The following GRID2 variants were observed in gnomAD, a reference collection of about 807,000 sequenced individuals.
GRID2 encodes the protein glutamate receptor ionotropic, delta-2.
GRID2 carries 33 observed loss-of-function variants against 114.8 expected under a neutral mutation model. The ratio of observed to expected loss-of-function variants is 0.29; its 90% CI spans 0.22 to 0.38. The LOEUF is 0.38. Among genes scored for constraint, GRID2 ranks in the 10% least tolerant of loss-of-function variants. The pLI is 1.00. For synonymous variants in GRID2, 505 were observed against 449.9 expected (o/e 1.12, Z -1.55); for missense variants, 1,184 against 1,257.7 (o/e 0.94, Z 0.89).
intron 2 of GRID2, among the ~76,000 whole-genome samples, chr4:92,868,079 T>A (rs1281640567): frequency 6.9e-6 from 1 of 144,614 alleles, no homozygotes; most frequent in Non-Finnish European, 1.5e-5. Flanking sequence ...TGTCTGTCTG[T>A]CTGTCTGTCT....
intron 2 of GRID2, among the ~76,000 whole-genome samples, chr4:92,899,082 T>G (rs1747377614): frequency 6.6e-6 from 1 of 152,262 alleles, no homozygotes; most frequent in Admixed American, 6.5e-5. Context: ...ATTGTTTAGA[T>G]TTATGTTTGA....
chr4:92,689,330 C>T (rs1019976116), intron 2 of GRID2, among the ~76,000 whole-genome samples: 6 of 152,142 alleles, frequency 3.9e-5, no homozygotes, highest in Admixed American at 1.3e-4. Flanking sequence ...TCCTAGATGG[C>T]GTCTTCTTCC....
At chr4:93,712,756 T>C (rs1259485258) in intron 14 of GRID2, among the ~76,000 whole-genome samples, 1 of 152,188 alleles carries the variant, frequency 6.6e-6, no homozygotes, top group African/African-American at 2.4e-5. Flanking sequence ...TGCCTTGAGT[T>C]TTTAACAAGG....
chr4:93,300,560 G>C (rs72874973), intron 8 of GRID2, among the ~76,000 whole-genome samples: 8,217 of 152,144 alleles, frequency 0.054, 748 homozygotes, highest in African/African-American at 0.19. Flanking sequence ...TATCAACATA[G>C]TGAAGGCAAA....
intron 8 of GRID2, among the ~76,000 whole-genome samples, chr4:93,322,194 C>T (rs918503829): frequency 3.9e-5 from 6 of 152,026 alleles, no homozygotes; most frequent in Admixed American, 1.3e-4. Flanking sequence ...TATCCCTCCC[C>T]GCTTCCCCCA....
chr4:93,690,868 A>G (rs999058651), intron 14 of GRID2, among the ~76,000 whole-genome samples: 1 of 149,186 alleles, frequency 6.7e-6, no homozygotes, highest in Admixed American at 6.7e-5. Flanking sequence ...ATAATATGTT[A>G]TAACATTTTT....
chr4:93,756,452 A>G (rs1301595134), intron 14 of GRID2, among the ~76,000 whole-genome samples: 2 of 152,206 alleles, frequency 1.3e-5, no homozygotes, highest in Admixed American at 1.3e-4. Flanking sequence ...TAGAGGACCA[A>G]GATCAAGCAA....
intron 14 of GRID2, among the ~76,000 whole-genome samples, chr4:93,741,174 CATATATATATATATATATATATATATGT>C (rs869177740): frequency 2.4e-5 from 1 of 41,240 alleles, no homozygotes. Flanking sequence ...TATATATATA[CATATATATATATATATATATATATATGT>C]ATATATATAT....
intron 1 of GRID2, among the ~76,000 whole-genome samples, chr4:92,532,583 G>C (rs1725406651): frequency 6.6e-6 from 1 of 152,042 alleles, no homozygotes; most frequent in South Asian, 2.1e-4. Flanking sequence ...CCCGTGTGTA[G>C]AATAATTTTA....
At chr4:93,549,268 A>T (rs1424078055) in intron 13 of GRID2, among the ~76,000 whole-genome samples, 1 of 152,216 alleles carries the variant, frequency 6.6e-6, no homozygotes, top group Non-Finnish European at 1.5e-5. Flanking sequence ...TTGTGCTTGC[A>T]TTTACTTATA....
At chr4:92,683,861 A>G (rs1330478495) in intron 2 of GRID2, among the ~76,000 whole-genome samples, 3 of 151,848 alleles carry the variant, frequency 2.0e-5, no homozygotes, top group Non-Finnish European at 4.4e-5. Flanking sequence ...GCAATAGTTA[A>G]AACATATAGA....
intron 2 of GRID2, among the ~76,000 whole-genome samples, chr4:92,844,678 C>T (rs186539865): frequency 1.3e-5 from 2 of 149,702 alleles, no homozygotes; most frequent in Admixed American, 1.3e-4. Context: ...TGCACTCCAG[C>T]CTGTGCAACA....
intron 14 of GRID2, among the ~76,000 whole-genome samples, chr4:93,760,538 A>G (rs1042789673): frequency 2.0e-5 from 3 of 152,224 alleles, no homozygotes; most frequent in Non-Finnish European, 4.4e-5. Flanking sequence ...AATTAAATCC[A>G]GCCTGTGTAT....
intron 2 of GRID2, among the ~76,000 whole-genome samples, chr4:92,606,156 T>A (rs533229525): frequency 1.4e-5 from 2 of 145,970 alleles, no homozygotes; most frequent in Admixed American, 6.8e-5. Context: ...AACCTCATTT[T>A]GTGGCTTTTA....
At chr4:92,487,761 GT>G (rs1722965105) in intron 1 of GRID2, among the ~76,000 whole-genome samples, 3 of 151,624 alleles carry the variant, frequency 2.0e-5, no homozygotes, top group Admixed American at 1.3e-4. Context: ...TTTTTTGTTT[GT>G]TTGTTTGTTT....
chr4:93,272,010 T>C (rs1751517794), intron 8 of GRID2, among the ~76,000 whole-genome samples: 1 of 152,124 alleles, frequency 6.6e-6, no homozygotes. Flanking sequence ...GAGTGACCTA[T>C]TATATGTGTT....
In GRID2 at chr4:93,085,179, T is replaced by A; in HGVS notation, c.429T>A (p.Thr143=). ...GGAGCAACAGGAATGATGACTACACTCTCTCAGTTCGCCCACCTGTCTACT... is the reference window on the plus strand; with the variant it reads ...GGAGCAACAGGAATGATGACTACACACTCTCAGTTCGCCCACCTGTCTACT... ...LTRSNRNDDY[T]LSVRPPVYLH... Residue 143 remains threonine, a synonymous_variant, in exon 3 of 16, where the codon ACT becomes ACA. Transcript: ENST00000282020. 1 of 1,613,806 alleles carries A rather than the reference T, an allele frequency of 6.2e-7. No homozygotes were observed. The highest frequency in any genetic ancestry group is 1.1e-5 in the South Asian group (1 of 91,072).
At chr4:93,137,398 C>T (rs1264754240) in intron 4 of GRID2, among the ~76,000 whole-genome samples, 1 of 152,140 alleles carries the variant, frequency 6.6e-6, no homozygotes, top group Non-Finnish European at 1.5e-5. Flanking sequence ...AAGCAATCTT[C>T]CATTTTATAC....
intron 2 of GRID2, among the ~76,000 whole-genome samples, chr4:92,648,290 G>A (rs917432381): frequency 1.3e-5 from 2 of 149,496 alleles, no homozygotes; most frequent in East Asian, 1.9e-4. Context: ...GTGTGCATAC[G>A]GGTGCATCCC....
Sources: allele counts gnomAD v4.1 joint callset (sites outside exome capture counted in the v4.1 genomes callset), GRCh38; gene constraint gnomAD v4.1.1; transcripts MANE v1.5; gene names NCBI Gene and HGNC (gene_info 2026-07-23, HGNC 2026-07-21).